The following C12orf42 variants were observed in gnomAD, a reference collection of about 807,000 sequenced individuals.
C12orf42 encodes chromosome 12 open reading frame 42.
A neutral mutation model predicts 21.6 loss-of-function variants in C12orf42; 25 were observed. The observed-to-expected ratio is 1.16, with a 90% CI of 0.84 to 1.62. The LOEUF is 1.62. C12orf42 is among the 40% of genes most tolerant of loss of function. The pLI, the probability that C12orf42 is intolerant of heterozygous loss-of-function variation, is 0.00. For missense variants in C12orf42, 483 were observed against 459.3 expected (o/e 1.05, Z -0.47); for synonymous variants, 174 against 175.0 (o/e 0.99, Z 0.05).
the C12orf42 span, among the ~76,000 whole-genome samples, chr12:103,135,167 G>A: frequency 2.0e-5 from 3 of 152,048 alleles, no homozygotes; most frequent in African/African-American, 7.2e-5. Flanking sequence ...AATTAAGAAA[G>A]AGAAAGGCTG....
chr12:103,246,898 C>G (rs2034035767), intron 10 of C12orf42, among the ~76,000 whole-genome samples: 1 of 152,082 alleles, frequency 6.6e-6, no homozygotes, highest in Non-Finnish European at 1.5e-5. Context: ...TGAAATTTAT[C>G]AGTCTATATT....
chr12:103,485,018 C>T (rs956825457), intron 1 of C12orf42, among the ~76,000 whole-genome samples: 2 of 151,962 alleles, frequency 1.3e-5, no homozygotes, highest in East Asian at 1.9e-4. Flanking sequence ...TACAAGTGCC[C>T]GCCACCATGC....
At chr12:103,369,084 C>A in intron 3 of C12orf42, 86 bp from the exon 4 acceptor site, 1 of 585,672 alleles carries the variant, frequency 1.7e-6, no homozygotes, top group East Asian at 2.9e-5. Flanking sequence ...TCTTACTTCC[C>A]TAAAGTGAGT....
In C12orf42 at chr12:103,341,942, T is replaced by C. The variant is rs1055228534; in HGVS notation, c.259+26945A>G. ...CCTCCATAATCATGTGAGTCAATAG[T>C]TAAATAAATCTTTTCTTTTCTACAT... On this transcript the variant is annotated intron_variant, in intron 4 of 5. Transcript: ENST00000548883. 2.6e-5 allele frequency among the ~76,000 whole-genome samples: 4 copies of C among 152,222 alleles called. No homozygotes were observed. The East Asian group carries it at 5.8e-4, about 22-fold the overall frequency.
At chr12:103,467,928 T>C (rs1006806370) in intron 2 of C12orf42, among the ~76,000 whole-genome samples, 1 of 152,212 alleles carries the variant, frequency 6.6e-6, no homozygotes, top group Non-Finnish European at 1.5e-5. Flanking sequence ...TCTACCTATA[T>C]GCAGATTAGA....
intron 2 of C12orf42, among the ~76,000 whole-genome samples, chr12:103,439,224 G>C (rs1450502639): frequency 1.1e-4 from 16 of 151,384 alleles, no homozygotes; most frequent in Admixed American, 1.1e-3. Context: ...GCTGAAACTG[G>C]ATCCCTTCCT....
chr12:103,126,983 C>CA, the C12orf42 span, among the ~76,000 whole-genome samples: 11 of 152,148 alleles, frequency 7.2e-5, no homozygotes, highest in African/African-American at 2.7e-4. Flanking sequence ...TGATCAGTCT[C>CA]ACGATAAAAA....
the C12orf42 span, among the ~76,000 whole-genome samples, chr12:103,223,260 G>A: frequency 1.6e-4 from 24 of 152,234 alleles, no homozygotes; most frequent in African/African-American, 3.6e-4. Context: ...GATTAGGGGC[G>A]TCGTGGGAAC....
At chr12:103,050,257 A>T in the C12orf42 span, among the ~76,000 whole-genome samples, 2 of 150,172 alleles carry the variant, frequency 1.3e-5, no homozygotes, top group Admixed American at 1.3e-4. Context: ...TGTGTGTATC[A>T]AATGGTATAT....
At chr12:103,248,274 C>T (rs1011105820) in intron 10 of C12orf42, among the ~76,000 whole-genome samples, 5 of 151,984 alleles carry the variant, frequency 3.3e-5, no homozygotes, top group South Asian at 2.1e-4. Context: ...TGTCGGCATA[C>T]ACCACCAATA....
In C12orf42 at chr12:103,322,651, C is replaced by T. The variant is rs114524847; in HGVS notation, c.260-16306G>A. Reference sequence around the variant, plus strand: ...CAGATAGATCTCGGTAATGTCTTATCGAAATAACTTTAATAAATTAGTTGC... The same window carrying T: ...CAGATAGATCTCGGTAATGTCTTATTGAAATAACTTTAATAAATTAGTTGC... On this transcript the variant is annotated intron_variant, in intron 4 of 5. Coordinates refer to ENST00000548883, the MANE Select transcript of C12orf42 (RefSeq NM_198521.5). Among the ~76,000 whole-genome samples, 861 of 152,102 alleles carry T rather than the reference C, an allele frequency of 5.7e-3. 4 individuals carry two copies. Among genetic ancestry groups the T allele is most frequent in the African/African-American group, 0.02 (814 of 41,508 alleles).
chr12:103,239,685 G>A (rs1418550428), intron 10 of C12orf42, among the ~76,000 whole-genome samples: 1 of 152,172 alleles, frequency 6.6e-6, no homozygotes, highest in Non-Finnish European at 1.5e-5. Flanking sequence ...GGTTCAATCA[G>A]CTGTTGAGGG....
At chr12:103,232,084 C>A in the C12orf42 span, among the ~76,000 whole-genome samples, 1 of 152,126 alleles carries the variant, frequency 6.6e-6, no homozygotes, top group Non-Finnish European at 1.5e-5. Context: ...TTCATATGCT[C>A]ATTTGCCACC....
chr12:103,333,704 T>G (rs1385388104), intron 4 of C12orf42, among the ~76,000 whole-genome samples: 1 of 152,146 alleles, frequency 6.6e-6, no homozygotes. Flanking sequence ...AACCAAATTT[T>G]CAGAGATAGA....
chr12:103,480,374 T>G (rs568179364), intron 1 of C12orf42, among the ~76,000 whole-genome samples: 5 of 151,858 alleles, frequency 3.3e-5, no homozygotes, highest in African/African-American at 1.2e-4. Flanking sequence ...TTTTATTAAT[T>G]TTTTCAAAGC....
the C12orf42 span, among the ~76,000 whole-genome samples, chr12:103,169,040 T>C: frequency 6.6e-6 from 1 of 151,814 alleles, no homozygotes; most frequent in Admixed American, 6.6e-5. Context: ...GGTATAGCAT[T>C]AGGAGAAATA....
At chr12:103,517,561 G>A in the C12orf42 span, among the ~76,000 whole-genome samples, 1 of 152,250 alleles carries the variant, frequency 6.6e-6, no homozygotes, top group Admixed American at 6.5e-5. Flanking sequence ...TTTTAGGTAA[G>A]TGGTTGGAGA....
At chr12:103,493,080 A>T (rs1955283494) in intron 1 of C12orf42, among the ~76,000 whole-genome samples, 1 of 152,006 alleles carries the variant, frequency 6.6e-6, no homozygotes, top group Admixed American at 6.5e-5. Context: ...CTTCCTAACC[A>T]CTTGTTGCAC....
intron 2 of C12orf42, among the ~76,000 whole-genome samples, chr12:103,434,171 T>C (rs1950479375): frequency 6.6e-6 from 1 of 152,178 alleles, no homozygotes; most frequent in Non-Finnish European, 1.5e-5. Flanking sequence ...CCAAGATGGC[T>C]ACACCAGCTA....
Sources: gnomAD v4.1 joint callset for allele counts (sites outside exome capture counted in the v4.1 genomes callset) on GRCh38, gnomAD v4.1.1 for gene constraint, MANE v1.5 for transcripts, NCBI Gene and HGNC (gene_info 2026-07-23, HGNC 2026-07-21) for gene names.